The following ITSN2 variants were observed in gnomAD, a reference collection of about 807,000 sequenced individuals.
ITSN2 encodes the protein intersectin-2.
ITSN2 carries 156 observed loss-of-function variants against 243.7 expected under a neutral mutation model. That is an observed-to-expected ratio of 0.64 (90% CI 0.56 to 0.73). The LOEUF (loss-of-function observed/expected upper bound fraction) is 0.73. Among genes scored for constraint, ITSN2 ranks in the 30% least tolerant of loss-of-function variants. The probability of loss-of-function intolerance (pLI) is 0.00; values close to 1 mark genes in which losing one functional copy is unlikely to be tolerated. For synonymous variants in ITSN2, 703 were observed against 699.9 expected, an observed-to-expected ratio of 1.00 and a Z score of -0.07; for missense variants, 1,801 against 1,996.1, an observed-to-expected ratio of 0.90 and a Z score of 1.86.
intron 7 of ITSN2, 122 bp downstream of exon 7, chr2:24,310,162 G>A (rs1437768626): frequency 1.6e-6 from 1 of 616,412 alleles, no homozygotes; most frequent in Admixed American, 2.7e-5. Context: ...TTTACCTTAA[G>A]TATTTGTACT....
chr2:24,238,513 C>T (rs1276446672), intron 29 of ITSN2, among the ~76,000 whole-genome samples: 1 of 152,170 alleles, frequency 6.6e-6, no homozygotes, highest in Non-Finnish European at 1.5e-5. Context: ...CAAGCATTCA[C>T]TGCTGTTTCT....
chr2:24,350,853 G>A (rs1386172468), intron 1 of ITSN2, among the ~76,000 whole-genome samples: 3 of 152,146 alleles, frequency 2.0e-5, no homozygotes, highest in African/African-American at 7.2e-5. Flanking sequence ...GGTGTTGAGG[G>A]AGATGGAAAG....
Position 24,312,367 on chromosome 2 carries a change from G to C in ITSN2, c.197C>G (p.Ser66Ter). The C allele has an allele frequency of 6.2e-7, 1 of 1,607,648 alleles. No homozygotes were observed. Among genetic ancestry groups the C allele is most frequent in the Non-Finnish European group, 8.5e-7 (1 of 1,176,600 alleles). The stretch of plus-strand genomic sequence containing the variant: ...CATCTTCCCATCCTTGTTTAGGTCT[G>C]ATAAAGCCCTAAAAGGAGCATGAGG... The part of the protein sequence containing the change: ...APVLAEIWAL[S>*]DLNKDGKMDQ... The change falls in exon 5 of 40, where the codon TCA (serine) becomes TGA (stop). Residue 66 changes from serine (S) to a stop codon, truncating the protein, a stop_gained. Coordinates refer to ENST00000355123, the MANE Select transcript of ITSN2 (RefSeq NM_006277.3). LOFTEE classifies it high-confidence loss of function.
At chr2:24,250,523 A>C (rs1272156029) in intron 25 of ITSN2, among the ~76,000 whole-genome samples, 1 of 152,224 alleles carries the variant, frequency 6.6e-6, no homozygotes, top group Non-Finnish European at 1.5e-5. Flanking sequence ...CCACACAGGG[A>C]ATATCTGCAT....
intron 1 of ITSN2, among the ~76,000 whole-genome samples, chr2:24,356,985 T>C (rs1688506603): frequency 6.6e-6 from 1 of 152,104 alleles, no homozygotes. Context: ...CAATAGATGC[T>C]GGCAAGTCTG....
intron 23 of ITSN2, among the ~76,000 whole-genome samples, chr2:24,256,666 G>A (rs184409048): frequency 2.0e-5 from 3 of 152,054 alleles, no homozygotes; most frequent in East Asian, 1.9e-4. Context: ...ATTCATTCAC[G>A]CCTCTCTTCA....
At chr2:24,330,631 C>G (rs1366676953) in intron 1 of ITSN2, 39 of 753,212 alleles carry the variant, frequency 5.2e-5, no homozygotes, top group Non-Finnish European at 8.4e-5. Context: ...GATGCTAAAA[C>G]AGACGGGGCA....
At chr2:24,296,127 AATG>A (rs1161176224) in intron 13 of ITSN2, among the ~76,000 whole-genome samples, 2 of 152,190 alleles carry the variant, frequency 1.3e-5, no homozygotes, top group Non-Finnish European at 2.9e-5. Context: ...ACTCTCAAAG[AATG>A]ATGAAGAGGA....
intron 22 of ITSN2, among the ~76,000 whole-genome samples, chr2:24,258,347 T>C (rs1384608314): frequency 2.0e-5 from 3 of 152,184 alleles, no homozygotes; most frequent in Admixed American, 6.5e-5. Context: ...AGGTAAATAA[T>C]GTGTACTCAA....
At chr2:24,323,022 T>C (rs1168768785) in intron 2 of ITSN2, among the ~76,000 whole-genome samples, 1 of 151,804 alleles carries the variant, frequency 6.6e-6, no homozygotes, top group Admixed American at 6.6e-5. Context: ...TATCACTGCA[T>C]GTCTATTAGC....
intron 25 of ITSN2, among the ~76,000 whole-genome samples, chr2:24,250,797 T>C (rs1344652176): frequency 6.6e-6 from 1 of 152,156 alleles, no homozygotes; most frequent in Non-Finnish European, 1.5e-5. Flanking sequence ...TTCTCTCATG[T>C]ATGTGTGAGG....
At chr2:24,346,859 T>C (rs1003784622) in intron 1 of ITSN2, among the ~76,000 whole-genome samples, 1 of 114,628 alleles carries the variant, frequency 8.7e-6, no homozygotes, top group Admixed American at 1.3e-4. Context: ...TGGAAATTTA[T>C]CTTTTTTTTT....
chr2:24,337,357 AT>A (rs1251488462), intron 1 of ITSN2, among the ~76,000 whole-genome samples: 1,167 of 13,658 alleles, frequency 0.085, 37 homozygotes, highest in African/African-American at 0.19. Context: ...TATATATGTA[AT>A]TTTTTTTTTT....
chr2:24,251,309 C>CAAAAAAAAAAAAAAA (rs1553355845), intron 25 of ITSN2, among the ~76,000 whole-genome samples: 505 of 22,010 alleles, frequency 0.023, 239 homozygotes, highest in Non-Finnish European at 0.03. Context: ...AACTCCATCT[C>CAAAAAAAAAAAAAAA]AAAAAAAAAA....
At position 24,246,151 on chromosome 2, in the gene ITSN2, TG is replaced by T. The variant is rs1673334668; in HGVS notation, c.3554del (p.Thr1185LysfsTer33). On this transcript the variant is annotated frameshift_variant, in exon 29 of 40. Coordinates refer to ENST00000355123, the MANE Select transcript of ITSN2 (RefSeq NM_006277.3). LOFTEE classifies it high-confidence loss of function. ...CACACTGTTGACTTGGATCTGAGTCTGTCGTCATCTTAACGTAGTTTGAAGG... is the reference window on the plus strand; with the variant it reads ...CACACTGTTGACTTGGATCTGAGTCTTCGTCATCTTAACGTAGTTTGAAGG... ...LFPSNYVKMT[T>X]DSDPSQQWCA... is the part of the protein sequence containing the mutation. 6.2e-7 allele frequency: 1 copy of T among 1,612,072 alleles called. No homozygotes were observed. The highest frequency in any genetic ancestry group is 1.3e-5 in the African/African-American group (1 of 74,812).
rs374136596 is a variant in ITSN2 at position 24,310,371 on chromosome 2, T to C, written c.566A>G (p.His189Arg). 2.0e-5 allele frequency: 32 copies of C among 1,613,024 alleles called. No individual in the cohort carries two copies. Among genetic ancestry groups the C allele is most frequent in the South Asian group, 3.3e-5 (3 of 90,976 alleles). The part of the protein sequence containing the change: ...PIPYSSSTLP[H>R]GSSYSLMMGG... ...CATCATCAGACTATAAGATGACCCA[T>C]GAGGCAATGCTAAAAAAGAAAAAGA... The change falls in exon 7 of 40, where the codon CAT becomes CGT. Residue 189 changes from histidine (H) to arginine (R), a missense_variant. Transcript: ENST00000355123.
intron 29 of ITSN2, among the ~76,000 whole-genome samples, chr2:24,228,793 T>C (rs1007084386): frequency 2.0e-5 from 3 of 152,106 alleles, no homozygotes; most frequent in Non-Finnish European, 4.4e-5. Context: ...CATAATAAAA[T>C]AGATACAAAT....
chr2:24,336,232 ACT>A (rs1482103685), intron 1 of ITSN2, among the ~76,000 whole-genome samples: 24 of 137,012 alleles, frequency 1.8e-4, no homozygotes, highest in African/African-American at 6.5e-4. Context: ...ACAGAGCGAG[ACT>A]CTGTCTCAAA....
chr2:24,304,639 A>C (rs910759720), intron 8 of ITSN2, among the ~76,000 whole-genome samples: 3 of 152,188 alleles, frequency 2.0e-5, no homozygotes, highest in Non-Finnish European at 4.4e-5. Flanking sequence ...CTTCTAAATA[A>C]GAGAGATGGA....
Sources: allele counts gnomAD v4.1 joint callset (sites outside exome capture counted in the v4.1 genomes callset), GRCh38; gene constraint gnomAD v4.1.1; transcripts MANE v1.5; gene names NCBI Gene and HGNC (gene_info 2026-07-23, HGNC 2026-07-21).